The following SMIM3 variants were observed in gnomAD, a reference collection of about 807,000 sequenced individuals.
SMIM3 encodes NGF-induced differentiation clone 67 protein.
SMIM3 carries 4 observed loss-of-function variants against 2.1 expected under a neutral mutation model. The observed-to-expected ratio is 1.89, with a 90% CI of 0.93 to 4.31. The LOEUF (loss-of-function observed/expected upper bound fraction) is 4.31. Among genes scored for constraint, SMIM3 ranks in the 30% most tolerant of loss-of-function variants. The probability of loss-of-function intolerance (pLI) is 0.01; values close to 1 mark genes in which losing one functional copy is unlikely to be tolerated. For synonymous variants in SMIM3, 29 were observed against 30.8 expected, an observed-to-expected ratio of 0.94 and a Z score of 0.19; for missense variants, 79 against 77.7, an observed-to-expected ratio of 1.02 and a Z score of -0.06.
intron 1 of SMIM3, among the ~76,000 whole-genome samples, chr5:150,785,608 A>T (rs1581621398): frequency 9.2e-6 from 1 of 108,786 alleles, no homozygotes. Flanking sequence ...TTTGAAATGG[A>T]GTCTCACTCT....
rs1753200189 is a variant in SMIM3, at chr5:150,778,760, T to A, written c.-224T>A. The A allele has an allele frequency of 6.6e-6, 3 of 455,960 alleles. No individual in the cohort carries two copies. Among genetic ancestry groups the A allele is most frequent in the Non-Finnish European group, 4.5e-6 (1 of 220,342 alleles). The allele number at this position is 455,960 out of a possible 1,614,324, so 28.2% of individuals were successfully genotyped here. ...GGGGGCGGTCCCCAGCAGCCGCGCA[T>A]TCCAGAGCCAGCAGCGCGTCCTGGC... On this transcript the variant is annotated 5_prime_UTR_variant, in exon 1 of 2. Transcript: ENST00000526627.
chr5:150,785,463 T>A (rs1414343399), intron 1 of SMIM3, among the ~76,000 whole-genome samples: 1 of 152,234 alleles, frequency 6.6e-6, no homozygotes, highest in Non-Finnish European at 1.5e-5. Flanking sequence ...CTGCTGTTTT[T>A]AAATTCCATT....
intron 1 of SMIM3, among the ~76,000 whole-genome samples, chr5:150,791,383 A>T (rs1051379645): frequency 6.6e-6 from 1 of 151,836 alleles, no homozygotes; most frequent in African/African-American, 2.4e-5. Context: ...GAAACATAAT[A>T]CCCTTTGACC....
intron 1 of SMIM3, among the ~76,000 whole-genome samples, chr5:150,782,342 C>T (rs997909186): frequency 2.0e-5 from 3 of 152,156 alleles, no homozygotes; most frequent in Non-Finnish European, 4.4e-5. Context: ...ATGTCCTTCT[C>T]ATATTGGACT....
chr5:150,793,430 G>C (rs1296437345), intron 1 of SMIM3, among the ~76,000 whole-genome samples: 1 of 152,120 alleles, frequency 6.6e-6, no homozygotes, highest in African/African-American at 2.4e-5. Flanking sequence ...TACACTATGA[G>C]GCCATAGTCA....
At chr5:150,789,328 A>G (rs17111367) in intron 1 of SMIM3, among the ~76,000 whole-genome samples, 23,703 of 152,106 alleles carry the variant, frequency 0.16, 3,293 homozygotes, top group African/African-American at 0.36. Context: ...GATGCTGAAG[A>G]TATGGTTTGC....
intron 1 of SMIM3, among the ~76,000 whole-genome samples, chr5:150,792,123 C>A (rs1415319972): frequency 6.6e-6 from 1 of 152,108 alleles, no homozygotes; most frequent in Admixed American, 6.5e-5. Flanking sequence ...CAATACCTTA[C>A]TTAGGGTGGC....
chr5:150,794,810 C>T (rs1321248571), intron 1 of SMIM3, among the ~76,000 whole-genome samples: 1 of 152,164 alleles, frequency 6.6e-6, no homozygotes, highest in Non-Finnish European at 1.5e-5. Context: ...TAGTTAGGCT[C>T]AAACAATTTA....
At chr5:150,781,281 A>T (rs1753230483) in intron 1 of SMIM3, among the ~76,000 whole-genome samples, 1 of 152,226 alleles carries the variant, frequency 6.6e-6, no homozygotes, top group Admixed American at 6.5e-5. Context: ...AAGTTAAGTG[A>T]GAATTTGATA....
chr5:150,785,232 C>T (rs186844911), intron 1 of SMIM3, among the ~76,000 whole-genome samples: 2 of 151,878 alleles, frequency 1.3e-5, no homozygotes, highest in Non-Finnish European at 2.9e-5. Flanking sequence ...GGATTACAGA[C>T]GTGTGCCACC....
At chr5:150,786,145 T>G (rs570978203) in intron 1 of SMIM3, among the ~76,000 whole-genome samples, 1 of 152,320 alleles carries the variant, frequency 6.6e-6, no homozygotes, top group Non-Finnish European at 1.5e-5. Context: ...CCTTACTTCA[T>G]TCTAAGTATT....
In SMIM3 at chr5:150,795,445, A is replaced by T. The variant is rs779685832; in HGVS notation, c.5A>T (p.Asp2Val). 26 of 1,613,856 alleles carry T rather than the reference A, an allele frequency of 1.6e-5. 1 individual carries two copies. The highest frequency in any genetic ancestry group is 1.6e-4 in the Middle Eastern group (1 of 6,084). The change falls in exon 2 of 2, where the codon GAT becomes GTT. Residue 2 changes from aspartate (D) to valine (V), a missense_variant. Physicochemically the swap from Asp to Val is radical, Grantham distance 152 (BLOSUM62 -3). Transcript: ENST00000526627. M[D>V]AVSQVPMEVV... The stretch of plus-strand genomic sequence containing the variant: ...TCTGTTGCAGAGTGAAGCAACATGG[A>T]TGCAGTCAGCCAAGTCCCCATGGAA...
At chr5:150,783,180 G>A (rs553996516) in intron 1 of SMIM3, among the ~76,000 whole-genome samples, 1 of 152,314 alleles carries the variant, frequency 6.6e-6, no homozygotes, top group East Asian at 1.9e-4. Context: ...CAAACACAAA[G>A]TTCTTCAAGT....
intron 1 of SMIM3, among the ~76,000 whole-genome samples, chr5:150,787,864 G>A (rs1442332447): frequency 2.0e-5 from 3 of 152,192 alleles, no homozygotes; most frequent in Non-Finnish European, 4.4e-5. Flanking sequence ...ACTTCCCTGT[G>A]CTTCTTGAAG....
chr5:150,790,271 G>T (rs1282122736), intron 1 of SMIM3, among the ~76,000 whole-genome samples: 1 of 152,134 alleles, frequency 6.6e-6, no homozygotes, highest in Non-Finnish European at 1.5e-5. Flanking sequence ...ATCAGCCAGG[G>T]TGATTACGTC....
Position 150,795,897 on chromosome 5 carries a change from A to G in SMIM3, c.*274A>G. The stretch of plus-strand genomic sequence containing the variant: ...TTAGTGGATGTGAAAGCTGTTTGTG[A>G]TCAGTAAAGCTACCACAGATATAAG... On this transcript the variant is annotated 3_prime_UTR_variant, in exon 2 of 2. Transcript: ENST00000526627. The G allele has an allele frequency of 1.7e-5, 8 of 468,416 alleles. No homozygotes were observed. The highest frequency in any genetic ancestry group is 3.1e-5 in the Non-Finnish European group (8 of 255,634). The allele number at this position is 468,416 out of a possible 1,614,324, so 29.0% of individuals were successfully genotyped here. A position where few individuals can be genotyped will look rare whatever the true frequency, so the allele number is the denominator to read the frequency against.
intron 1 of SMIM3, among the ~76,000 whole-genome samples, chr5:150,793,185 T>C (rs1753366418): frequency 6.6e-6 from 1 of 152,162 alleles, no homozygotes. Flanking sequence ...TACAAACAAA[T>C]GGAAACACAT....
intron 1 of SMIM3, among the ~76,000 whole-genome samples, chr5:150,791,460 A>G (rs1385350237): frequency 6.6e-6 from 1 of 151,708 alleles, no homozygotes; most frequent in East Asian, 1.9e-4. Flanking sequence ...TTCTGCTTCT[A>G]TGGGTCTGAT....
intron 1 of SMIM3, among the ~76,000 whole-genome samples, chr5:150,781,228 T>G (rs758977740): frequency 3.9e-4 from 59 of 152,190 alleles, no homozygotes; most frequent in Non-Finnish European, 1.6e-4. Flanking sequence ...GGAACTAGGT[T>G]CAGATCTTGC....
Sources: gnomAD v4.1 joint callset for allele counts (sites outside exome capture counted in the v4.1 genomes callset) on GRCh38, gnomAD v4.1.1 for gene constraint, MANE v1.5 for transcripts, NCBI Gene and HGNC (gene_info 2026-07-23, HGNC 2026-07-21) for gene names.